CCDC171: variants seen among roughly 807,000 people sequenced by gnomAD.
CCDC171 encodes the protein coiled-coil domain-containing protein 171.
Under a neutral mutation model 168.2 loss-of-function variants are expected in CCDC171, and 177 were observed. The ratio of observed to expected loss-of-function variants is 1.05; its 90% CI spans 0.93 to 1.19. The LOEUF (loss-of-function observed/expected upper bound fraction) is 1.19. Among genes scored for constraint, CCDC171 ranks in the 50% most tolerant of loss-of-function variants. The pLI is 0.00. For missense variants in CCDC171, 1,991 were observed against 1,539.0 expected, an observed-to-expected ratio of 1.29 and a Z score of -4.91; for synonymous variants, 687 against 540.8, an observed-to-expected ratio of 1.27 and a Z score of -3.75.
In CCDC171 at chr9:15,933,048, G is replaced by GT. The variant is rs955289808; in HGVS notation, c.3753+12634dup. Reference sequence around the variant, plus strand: ...TGTTCATCAGGGATATTGGCCTGTAGTTTTTTTTGTCTGTGTGTCCTTGTG... The same window carrying GT: ...TGTTCATCAGGGATATTGGCCTGTAGTTTTTTTTTGTCTGTGTGTCCTTGTG... On this transcript the variant is annotated intron_variant, in intron 25 of 25. Coordinates refer to ENST00000380701, the MANE Select transcript of CCDC171 (RefSeq NM_173550.4). 1.8e-3 allele frequency among the ~76,000 whole-genome samples: 276 copies of GT among 151,744 alleles called. 3 individuals carry two copies. Among genetic ancestry groups the GT allele is most frequent in the African/African-American group, 6.3e-3 (261 of 41,448 alleles).
At chr9:15,662,898 T>C (rs2048426751) in intron 8 of CCDC171, among the ~76,000 whole-genome samples, 1 of 152,048 alleles carries the variant, frequency 6.6e-6, no homozygotes, top group African/African-American at 2.4e-5. Context: ...GGGGAATCGC[T>C]TGAATCCAGG....
At chr9:15,843,619 G>A (rs529516171) in intron 21 of CCDC171, among the ~76,000 whole-genome samples, 1 of 151,982 alleles carries the variant, frequency 6.6e-6, no homozygotes, top group African/African-American at 2.4e-5. Flanking sequence ...TTCATCAGGG[G>A]TTTAATTAGT....
At chr9:16,099,218 C>G in the CCDC171 span, among the ~76,000 whole-genome samples, 5 of 152,242 alleles carry the variant, frequency 3.3e-5, no homozygotes, top group East Asian at 9.7e-4. Flanking sequence ...TTTAGATACC[C>G]TTAGAGGGGT....
At chr9:16,082,325 C>T in the CCDC171 span, among the ~76,000 whole-genome samples, 1 of 152,136 alleles carries the variant, frequency 6.6e-6, no homozygotes, top group Non-Finnish European at 1.5e-5. Context: ...TATGTATGGT[C>T]CAAATGGGTT....
intron 21 of CCDC171, among the ~76,000 whole-genome samples, chr9:15,799,699 A>G (rs1486205030): frequency 6.6e-6 from 1 of 151,988 alleles, no homozygotes; most frequent in Non-Finnish European, 1.5e-5. Flanking sequence ...GCCGTCAAAT[A>G]CTAGGACTTA....
At chr9:15,762,725 T>C (rs2056517833) in intron 18 of CCDC171, among the ~76,000 whole-genome samples, 1 of 152,172 alleles carries the variant, frequency 6.6e-6, no homozygotes, top group South Asian at 2.1e-4. Flanking sequence ...TTGTGAAAAA[T>C]GTATACACTA....
intron 3 of CCDC171, among the ~76,000 whole-genome samples, chr9:16,013,650 C>T (rs1220131072): frequency 1.3e-5 from 2 of 152,178 alleles, no homozygotes; most frequent in Admixed American, 6.5e-5. Context: ...CACAGGTATG[C>T]CTCGGAGATA....
At chr9:15,853,231 T>C (rs112447859) in intron 23 of CCDC171, among the ~76,000 whole-genome samples, 4 of 151,708 alleles carry the variant, frequency 2.6e-5, no homozygotes, top group African/African-American at 9.7e-5. Context: ...TTTCTACTTA[T>C]TTAGATCTTC....
At chr9:15,873,690 A>G (rs559127172) in intron 23 of CCDC171, among the ~76,000 whole-genome samples, 1 of 152,270 alleles carries the variant, frequency 6.6e-6, no homozygotes, top group East Asian at 1.9e-4. Flanking sequence ...AAGTTTGGAA[A>G]TTAAAAACCA....
At chr9:16,020,482 C>G (rs572332714) in intron 3 of CCDC171, 6 of 154,024 alleles carry the variant, frequency 3.9e-5, no homozygotes, top group African/African-American at 1.4e-4. Flanking sequence ...CAGATCTTAG[C>G]AAGTACAGCA....
At chr9:15,639,023 GA>G (rs2046402207) in intron 7 of CCDC171, among the ~76,000 whole-genome samples, 1 of 152,000 alleles carries the variant, frequency 6.6e-6, no homozygotes, top group Non-Finnish European at 1.5e-5. Context: ...AATAAATTCT[GA>G]ATTGCTTCTG....
At chr9:15,553,811 C>G (rs1296423076) in intron 1 of CCDC171, among the ~76,000 whole-genome samples, 4 of 152,180 alleles carry the variant, frequency 2.6e-5, no homozygotes, top group Non-Finnish European at 4.4e-5. Flanking sequence ...TGTAAATTTT[C>G]TGCAGAAATG....
At chr9:15,745,448 C>G in intron 17 of CCDC171, 67 bp from the exon 18 acceptor site, 1 of 1,003,768 alleles carries the variant, frequency 1.0e-6, no homozygotes, top group Non-Finnish European at 1.4e-6. Context: ...AACACTGCTA[C>G]GAATTTTAAA....
At chr9:15,874,443 G>A in intron 23 of CCDC171, 89 bp from the exon 24 acceptor site, 1 of 1,128,264 alleles carries the variant, frequency 8.9e-7, no homozygotes, top group East Asian at 2.7e-5. Context: ...ATCAATGCAA[G>A]TCCACTCAGT....
chr9:15,831,374 A>G (rs2060227127), intron 21 of CCDC171, among the ~76,000 whole-genome samples: 1 of 152,236 alleles, frequency 6.6e-6, no homozygotes, highest in Non-Finnish European at 1.5e-5. Flanking sequence ...ATCATGTAAT[A>G]AAAGAGCACC....
intron 21 of CCDC171, among the ~76,000 whole-genome samples, chr9:15,798,323 GTTTATTAA>G (rs2058658481): frequency 6.6e-6 from 1 of 152,010 alleles, no homozygotes; most frequent in African/African-American, 2.4e-5. Flanking sequence ...CTAGTTAGGA[GTTTATTAA>G]TTTTGTTGTT....
At chr9:15,893,999 C>G (rs779192825) in intron 24 of CCDC171, among the ~76,000 whole-genome samples, 1 of 152,092 alleles carries the variant, frequency 6.6e-6, no homozygotes, top group Non-Finnish European at 1.5e-5. Context: ...TAGCACTGTT[C>G]ACAATAGTGA....
intron 7 of CCDC171, among the ~76,000 whole-genome samples, chr9:15,640,190 A>G (rs1257098261): frequency 6.6e-6 from 1 of 152,148 alleles, no homozygotes; most frequent in Non-Finnish European, 1.5e-5. Context: ...ATATAAATGT[A>G]AAATGTTTGG....
chr9:15,862,639 A>AG (rs1165346042), intron 23 of CCDC171, among the ~76,000 whole-genome samples: 1 of 151,756 alleles, frequency 6.6e-6, no homozygotes, highest in African/African-American at 2.4e-5. Context: ...AGAAAAAAAA[A>AG]AAGAACCTAC....
Sources: gnomAD v4.1 joint callset for allele counts (sites outside exome capture counted in the v4.1 genomes callset) on GRCh38, gnomAD v4.1.1 for gene constraint, MANE v1.5 for transcripts, NCBI Gene and HGNC (gene_info 2026-07-23, HGNC 2026-07-21) for gene names.